Variants in FTO observed in about 807,000 individuals in gnomAD.
FTO encodes the protein FTO alpha-ketoglutarate dependent dioxygenase, also known as alpha-ketoglutarate-dependent dioxygenase FTO.
In FTO, 47 loss-of-function variants were observed where a neutral mutation model predicts 63.9. The observed-to-expected ratio is 0.74, with a 90% CI of 0.58 to 0.94. The LOEUF is 0.94. Among genes scored for constraint, FTO ranks in the 40% least tolerant of loss-of-function variants. FTO has a pLI of 0.00. For synonymous variants in FTO, 207 were observed against 224.4 expected, an observed-to-expected ratio of 0.92 and a Z score of 0.69; for missense variants, 562 against 618.1, an observed-to-expected ratio of 0.91 and a Z score of 0.96.
chr16:53,737,110 A>C (rs1049662039), intron 1 of FTO, among the ~76,000 whole-genome samples: 1 of 152,220 alleles, frequency 6.6e-6, no homozygotes, highest in Non-Finnish European at 1.5e-5. Context: ...TCTGCAGAGC[A>C]CAGTGCAGTT....
intron 7 of FTO, among the ~76,000 whole-genome samples, chr16:53,921,868 A>ATG (rs1427257965): frequency 3.9e-5 from 6 of 152,170 alleles, no homozygotes; most frequent in Non-Finnish European, 8.8e-5. Flanking sequence ...ATATATATAT[A>ATG]TAGCATAACA....
At chr16:54,008,660 A>G (rs1406045936) in intron 8 of FTO, 1 of 151,948 alleles carries the variant, frequency 6.6e-6, no homozygotes, top group Non-Finnish European at 1.5e-5. Flanking sequence ...GGCTTGCCAA[A>G]TTATTGCCCT....
At chr16:54,076,792 G>A (rs1599325679) in intron 8 of FTO, among the ~76,000 whole-genome samples, 1 of 152,130 alleles carries the variant, frequency 6.6e-6, no homozygotes, top group South Asian at 2.1e-4. Flanking sequence ...AAAGGCCAGG[G>A]TAATTAGTCC....
At chr16:54,093,246 CA>C (rs2144562524) in intron 8 of FTO, among the ~76,000 whole-genome samples, 1 of 152,316 alleles carries the variant, frequency 6.6e-6, no homozygotes, top group Admixed American at 6.5e-5. Context: ...CTAGAAAGAA[CA>C]GTTTAAATTA....
At chr16:53,732,541 G>GC (rs1197086952) in intron 1 of FTO, among the ~76,000 whole-genome samples, 1 of 152,150 alleles carries the variant, frequency 6.6e-6, no homozygotes, top group East Asian at 1.9e-4. Context: ...TATCTTTTAG[G>GC]CAAAGTAGAG....
At chr16:53,815,636 GTTTTTTT>G (rs556357629) in intron 2 of FTO, among the ~76,000 whole-genome samples, 3 of 98,158 alleles carry the variant, frequency 3.1e-5, no homozygotes, top group African/African-American at 5.4e-5. Flanking sequence ...TGACTTTCTT[GTTTTTTT>G]TTTTTTTTTT....
chr16:53,851,233 A>C (rs2079784463), intron 4 of FTO, among the ~76,000 whole-genome samples: 1 of 148,580 alleles, frequency 6.7e-6, no homozygotes, highest in Non-Finnish European at 1.5e-5. Flanking sequence ...GGATCTCTTG[A>C]GGTCAGGAGT....
At chr16:53,821,990 C>T (rs2078877076) in intron 2 of FTO, among the ~76,000 whole-genome samples, 1 of 152,132 alleles carries the variant, frequency 6.6e-6, no homozygotes, top group African/African-American at 2.4e-5. Context: ...GAGGGTCTTG[C>T]AGTGACAATG....
intron 1 of FTO, among the ~76,000 whole-genome samples, chr16:53,795,593 G>C (rs1374256138): frequency 1.3e-5 from 2 of 152,166 alleles, no homozygotes; most frequent in African/African-American, 4.8e-5. Flanking sequence ...ACAGGCATGA[G>C]CCTCTATACC....
intron 8 of FTO, among the ~76,000 whole-genome samples, chr16:54,020,203 G>T (rs1183042288): frequency 6.6e-6 from 1 of 152,122 alleles, no homozygotes; most frequent in East Asian, 1.9e-4. Flanking sequence ...TGTCTTTCCT[G>T]TATGCAGTTG....
intron 1 of FTO, among the ~76,000 whole-genome samples, chr16:53,788,460 G>A (rs753026647): frequency 4.0e-5 from 6 of 151,800 alleles, no homozygotes; most frequent in African/African-American, 1.2e-4. Context: ...AAAATTAGCC[G>A]GACATGGTGG....
intron 7 of FTO, among the ~76,000 whole-genome samples, chr16:53,916,424 T>C (rs2081866570): frequency 6.6e-6 from 1 of 152,152 alleles, no homozygotes; most frequent in Non-Finnish European, 1.5e-5. Flanking sequence ...TGCAGTATAA[T>C]GAGAATTAAA....
intron 1 of FTO, among the ~76,000 whole-genome samples, chr16:53,752,880 G>A (rs1040154615): frequency 6.7e-6 from 1 of 149,726 alleles, no homozygotes; most frequent in Non-Finnish European, 1.5e-5. Flanking sequence ...TCCCCCTAAG[G>A]TATAAAGGGT....
chr16:53,714,056 TA>T (rs1598472067), intron 1 of FTO, among the ~76,000 whole-genome samples: 1 of 152,196 alleles, frequency 6.6e-6, no homozygotes, highest in African/African-American at 2.4e-5. Flanking sequence ...CCCCTTATGT[TA>T]AAAAACTGCC....
intron 7 of FTO, among the ~76,000 whole-genome samples, chr16:53,920,197 G>A (rs1485536213): frequency 1.3e-5 from 2 of 152,084 alleles, no homozygotes. Flanking sequence ...GGCCTTATGT[G>A]TAAAAACTAA....
In FTO at chr16:53,835,978, C is replaced by T. The variant is rs910308139; in HGVS notation, c.752-8177C>T. Among the ~76,000 whole-genome samples, 13 of 151,848 alleles carry T rather than the reference C, an allele frequency of 8.6e-5. No individual in the cohort carries two copies. The East Asian group carries it at 1.6e-3, about 18-fold the overall frequency. ...CAATCTCAGTTCACTGCAACCTCTG[C>T]CTCCCAGGTTCAAGTGATTCTTCTG... is the stretch of plus-strand genomic sequence containing the variant. On this transcript the variant is annotated intron_variant, in intron 3 of 8. Coordinates refer to ENST00000471389, the MANE Select transcript of FTO (RefSeq NM_001080432.3).
rs114225994 is a variant in FTO at position 54,076,179 on chromosome 16, T to G, written c.1365-35583T>G. 1.7e-3 allele frequency among the ~76,000 whole-genome samples: 264 copies of G among 152,340 alleles called. 1 individual carries two copies. Among genetic ancestry groups the G allele is most frequent in the African/African-American group, 6.1e-3 (254 of 41,574 alleles). ...TATATTTATAGTGTGTTTAAAATAC[T>G]CTTTTTAGTTATCATTTGAGTGACA... On this transcript the variant is annotated intron_variant, in intron 8 of 8. Transcript: ENST00000471389.
At chr16:54,071,165 A>T (rs1278865077) in intron 8 of FTO, 1 of 152,224 alleles carries the variant, frequency 6.6e-6, no homozygotes, top group African/African-American at 2.4e-5. Flanking sequence ...TCTGCCTGTT[A>T]GGGTGTCAAG....
chr16:53,795,405 T>C (rs1036252497), intron 1 of FTO, among the ~76,000 whole-genome samples: 4 of 152,116 alleles, frequency 2.6e-5, no homozygotes, highest in African/African-American at 9.7e-5. Flanking sequence ...GCCTCCTGAG[T>C]AGCTGGGACT....
Sources: gnomAD v4.1 joint callset for allele counts (sites outside exome capture counted in the v4.1 genomes callset) on GRCh38, gnomAD v4.1.1 for gene constraint, MANE v1.5 for transcripts, NCBI Gene and HGNC (gene_info 2026-07-23, HGNC 2026-07-21) for gene names.